LCLAT1: variants seen among roughly 807,000 people sequenced by gnomAD.
LCLAT1 encodes 1-AGP acyltransferase 8.
LCLAT1 carries 11 observed loss-of-function variants against 30.7 expected under a neutral mutation model. The ratio of observed to expected loss-of-function variants is 0.36; its 90% CI spans 0.23 to 0.59. The LOEUF (loss-of-function observed/expected upper bound fraction) is 0.59. LCLAT1 is among the 20% of genes least tolerant of loss of function. LCLAT1 has a pLI of 0.77. For missense variants in LCLAT1, 402 were observed against 458.6 expected (o/e 0.88, Z 1.13); for synonymous variants, 155 against 151.3 (o/e 1.02, Z -0.18).
chr2:30,573,594 C>A (rs1283530637), intron 5 of LCLAT1, among the ~76,000 whole-genome samples: 2 of 152,120 alleles, frequency 1.3e-5, no homozygotes, highest in African/African-American at 4.8e-5. Flanking sequence ...GCACAGTGTG[C>A]TGAGCCTTCC....
chr2:30,598,695 C>T lies in LCLAT1; in HGVS notation c.628+30519C>T, dbSNP rs188479662. On this transcript the variant is annotated intron_variant, in intron 5 of 5. Transcript: ENST00000379509. ...TTGGCTATTTCTTGTCTTCTGCTAG[C>T]TTTGGAGTGTGTTTGCTCTTGGTTC... Among the ~76,000 whole-genome samples the T allele has an allele frequency of 2.6e-3, 400 of 152,118 alleles. 1 individual carries two copies. Among genetic ancestry groups the T allele is most frequent in the Non-Finnish European group, 3.4e-3 (232 of 68,000 alleles).
At chr2:30,509,617 G>A (rs745426640) in intron 1 of LCLAT1, among the ~76,000 whole-genome samples, 24 of 151,712 alleles carry the variant, frequency 1.6e-4, no homozygotes, top group Admixed American at 4.6e-4. Flanking sequence ...GTCTCCCCCA[G>A]GCTGGAGTGC....
chr2:30,525,867 G>T (rs766880), intron 2 of LCLAT1, 112 bp downstream of exon 2: 116,465 of 832,556 alleles, frequency 0.14, 9,118 homozygotes, highest in South Asian at 0.23. Flanking sequence ...ACATATCCTA[G>T]GCACATCCTT....
At chr2:30,600,584 A>C (rs1011337081) in intron 5 of LCLAT1, among the ~76,000 whole-genome samples, 1 of 150,326 alleles carries the variant, frequency 6.7e-6, no homozygotes, top group Non-Finnish European at 1.5e-5. Context: ...ATTGGGTTGG[A>C]AATTCTTTTC....
At chr2:30,619,070 C>T (rs1668126449) in intron 5 of LCLAT1, among the ~76,000 whole-genome samples, 1 of 152,132 alleles carries the variant, frequency 6.6e-6, no homozygotes, top group African/African-American at 2.4e-5. Flanking sequence ...AAGAATAGTA[C>T]ACCTAATGAC....
At chr2:30,516,960 G>A (rs1314629069) in intron 1 of LCLAT1, among the ~76,000 whole-genome samples, 1 of 152,154 alleles carries the variant, frequency 6.6e-6, no homozygotes, top group Non-Finnish European at 1.5e-5. Context: ...ATTTTCCTGG[G>A]GAAGCTGAGG....
At chr2:30,634,836 C>T (rs1216721313) in intron 5 of LCLAT1, among the ~76,000 whole-genome samples, 1 of 152,190 alleles carries the variant, frequency 6.6e-6, no homozygotes, top group Non-Finnish European at 1.5e-5. Context: ...CAACTTTTGA[C>T]TATCCATTTC....
At chr2:30,579,457 T>G (rs1457960975) in intron 5 of LCLAT1, among the ~76,000 whole-genome samples, 3 of 152,184 alleles carry the variant, frequency 2.0e-5, no homozygotes, top group Non-Finnish European at 4.4e-5. Flanking sequence ...AATAAAAATG[T>G]ATAACAAACA....
chr2:30,479,595 T>C (rs533055331), intron 1 of LCLAT1, among the ~76,000 whole-genome samples: 48 of 152,304 alleles, frequency 3.2e-4, no homozygotes, highest in Non-Finnish European at 5.6e-4. Flanking sequence ...GTAAGACTAC[T>C]GATGGTCATA....
intron 5 of LCLAT1, among the ~76,000 whole-genome samples, chr2:30,618,829 A>G (rs1387965768): frequency 1.3e-5 from 2 of 152,216 alleles, no homozygotes; most frequent in Non-Finnish European, 2.9e-5. Flanking sequence ...GTAGTTTTGT[A>G]GACCCCTAAG....
intron 1 of LCLAT1, chr2:30,459,630 G>C (rs759541492): frequency 1.2e-6 from 2 of 1,613,656 alleles, no homozygotes; most frequent in Admixed American, 3.3e-5. Flanking sequence ...CCAGGGGAAG[G>C]GAAATTGTGG....
intron 2 of LCLAT1, among the ~76,000 whole-genome samples, chr2:30,529,129 A>T (rs1685872525): frequency 6.6e-6 from 1 of 152,236 alleles, no homozygotes; most frequent in Non-Finnish European, 1.5e-5. Flanking sequence ...AGTTAAAAAT[A>T]ATTTTCCACT....
intron 1 of LCLAT1, among the ~76,000 whole-genome samples, chr2:30,464,997 A>C (rs1044586555): frequency 6.6e-6 from 1 of 152,186 alleles, no homozygotes; most frequent in Non-Finnish European, 1.5e-5. Flanking sequence ...GGCATGAGCC[A>C]CCATGCCTGG....
At chr2:30,538,961 T>TC (rs1394784768) in intron 3 of LCLAT1, among the ~76,000 whole-genome samples, 3 of 148,960 alleles carry the variant, frequency 2.0e-5, no homozygotes, top group Non-Finnish European at 4.5e-5. Flanking sequence ...TCCCCCAACC[T>TC]CTTTTTTTTT....
intron 3 of LCLAT1, among the ~76,000 whole-genome samples, chr2:30,542,532 C>G (rs1462820183): frequency 6.6e-6 from 1 of 152,048 alleles, no homozygotes; most frequent in African/African-American, 2.4e-5. Context: ...AATTTTATAG[C>G]AAGAATTGAA....
At chr2:30,483,424 C>A (rs374498060) in intron 1 of LCLAT1, among the ~76,000 whole-genome samples, 12 of 152,242 alleles carry the variant, frequency 7.9e-5, no homozygotes, top group African/African-American at 2.9e-4. Flanking sequence ...TACAACCTGC[C>A]ACGCTTAGTA....
chr2:30,553,615 A>G, intron 3 of LCLAT1, among the ~76,000 whole-genome samples: 1 of 152,074 alleles, frequency 6.6e-6, no homozygotes, highest in Non-Finnish European at 1.5e-5. Context: ...GGAGATCGAG[A>G]CCATCCTGGC....
intron 1 of LCLAT1, among the ~76,000 whole-genome samples, chr2:30,507,391 T>C (rs1429562223): frequency 2.0e-5 from 3 of 152,184 alleles, no homozygotes; most frequent in African/African-American, 7.2e-5. Flanking sequence ...ACTTGTGTCA[T>C]GGGGGTTTGT....
chr2:30,566,994 G>C (rs1316627332), intron 4 of LCLAT1, among the ~76,000 whole-genome samples: 3 of 152,194 alleles, frequency 2.0e-5, no homozygotes. Flanking sequence ...CTGTGCCTGA[G>C]CAAGGCAGAT....
Sources: gnomAD v4.1 joint callset for allele counts (sites outside exome capture counted in the v4.1 genomes callset) on GRCh38, gnomAD v4.1.1 for gene constraint, MANE v1.5 for transcripts, NCBI Gene and HGNC (gene_info 2026-07-23, HGNC 2026-07-21) for gene names.